The following PDE4C variants were observed in gnomAD, a reference collection of about 807,000 sequenced individuals.
The protein encoded by PDE4C is phosphodiesterase 4C.
In PDE4C, 50 loss-of-function variants were observed where a neutral mutation model predicts 63.9. The observed-to-expected ratio is 0.78, with a 90% CI of 0.62 to 0.99. The LOEUF is 0.99. Ranked by LOEUF, PDE4C falls within the 50% of genes least tolerant of loss-of-function variation. The pLI, the probability that PDE4C is intolerant of heterozygous loss-of-function variation, is 0.00. For missense variants in PDE4C, 777 were observed against 899.1 expected (o/e 0.86, Z 1.74); for synonymous variants, 377 against 385.1 (o/e 0.98, Z 0.25).
chr19:18,251,507 T>C (rs1242559146), upstream of PDE4C, among the ~76,000 whole-genome samples: 1 of 151,816 alleles, frequency 6.6e-6, no homozygotes, highest in Non-Finnish European at 1.5e-5. Context: ...CGATCTCAGC[T>C]CACTGCAACC....
intron 1 of PDE4C, among the ~76,000 whole-genome samples, chr19:18,223,846 T>G (rs372198394): frequency 8.5e-5 from 13 of 152,338 alleles, no homozygotes; most frequent in African/African-American, 2.2e-4. Context: ...GCCTAGCTCC[T>G]GCGTGCGCCT....
the PDE4C span, chr19:18,255,262 C>T: frequency 1.3e-5 from 5 of 399,186 alleles, no homozygotes; most frequent in East Asian, 1.4e-4. This position sits in a 1 kb window ranked among gnomAD's most constrained non-coding sequence, Gnocchi z 4.6. Context: ...TTCAGCAGCA[C>T]CACCAGCACC....
Position 18,220,924 on chromosome 19 carries a change from C to A in PDE4C, c.450-1G>T. 1 of 1,603,142 alleles carries A rather than the reference C, an allele frequency of 6.2e-7. No homozygotes were observed. Among genetic ancestry groups the A allele is most frequent in the Non-Finnish European group, 8.5e-7 (1 of 1,176,316 alleles). On this transcript the variant is annotated splice_acceptor_variant, in intron 4 of 14. Coordinates refer to ENST00000262805, the Ensembl canonical transcript of PDE4C. LOFTEE classifies it high-confidence loss of function. The surrounding 1 kb of genome is among the most constrained non-coding windows in gnomAD (Gnocchi z 5.1). The stretch of plus-strand genomic sequence containing the variant: ...TGAAGGGTTTCCGACGGGTCCCTGC[C>A]TGCGGTACAGCAGCCTCAGGCGTGG...
chr19:18,232,376 TGTGTGTGTGTGTG>T (rs1403944255), intron 1 of PDE4C, among the ~76,000 whole-genome samples: 202 of 149,372 alleles, frequency 1.4e-3, no homozygotes, highest in South Asian at 3.0e-3. Flanking sequence ...AATAAAAACG[TGTGTGTGTGTGTG>T]TGTGTGTGTG....
At chr19:18,244,638 G>A (rs193210303) in intron 1 of PDE4C, among the ~76,000 whole-genome samples, 95 of 151,648 alleles carry the variant, frequency 6.3e-4, no homozygotes, top group African/African-American at 2.2e-3. Flanking sequence ...TCAGCCTCCC[G>A]AGTAGCTGGG....
chr19:18,225,047 G>C (rs919837996), intron 1 of PDE4C, among the ~76,000 whole-genome samples: 1 of 152,230 alleles, frequency 6.6e-6, no homozygotes, highest in Non-Finnish European at 1.5e-5. Context: ...GGCGCGGAGG[G>C]TTAAGGACTG....
chr19:18,253,205 G>C, the PDE4C span, among the ~76,000 whole-genome samples: 1 of 152,152 alleles, frequency 6.6e-6, no homozygotes. Flanking sequence ...TTCATGTGGA[G>C]TTGGTGCCTC....
Position 18,217,993 on chromosome 19 carries a change from G to A in PDE4C, c.1234+156C>T, listed in dbSNP as rs905755867. Among the ~76,000 whole-genome samples the A allele has an allele frequency of 1.2e-4, 19 of 152,286 alleles. No homozygotes were observed. Among genetic ancestry groups the A allele is most frequent in the African/African-American group, 4.3e-4 (18 of 41,556 alleles). On this transcript the variant is annotated intron_variant, in intron 11 of 14. Coordinates refer to ENST00000262805, the Ensembl canonical transcript of PDE4C. ...TGGCACCTACTGTGTACCCAGACCT[G>A]CTCCAAGACCCTGAAGGGAGGGAAA...
chr19:18,254,907 T>C, the PDE4C span, among the ~76,000 whole-genome samples: 3 of 152,194 alleles, frequency 2.0e-5, no homozygotes, highest in Non-Finnish European at 4.4e-5. Flanking sequence ...ATTCTCCCTT[T>C]GGGGATTGGC....
At chr19:18,226,361 A>T (rs1179431280) in exon 1 of PDE4C, 4 of 1,511,220 alleles carry the variant, frequency 2.6e-6, no homozygotes, top group Non-Finnish European at 1.8e-6. Flanking sequence ...CCGCGCGGGG[A>T]TCCCCGAGGG....
upstream of PDE4C, among the ~76,000 whole-genome samples, chr19:18,248,877 T>C (rs1347625330): frequency 6.7e-6 from 1 of 150,352 alleles, no homozygotes; most frequent in Non-Finnish European, 1.5e-5. Context: ...ACAAAAAAAT[T>C]AGCTGAGTGT....
intron 1 of PDE4C, among the ~76,000 whole-genome samples, chr19:18,245,215 G>T (rs11086097): frequency 0.61 from 91,842 of 151,098 alleles, 28,096 homozygotes; most frequent in Middle Eastern, 0.71. Flanking sequence ...CCAGGCTGGA[G>T]TGCAGTGGCA....
chr19:18,252,130 T>G (rs2302945), upstream of PDE4C: 128,971 of 398,388 alleles, frequency 0.32, 22,173 homozygotes, highest in African/African-American at 0.51. Flanking sequence ...CTGTGGGAAG[T>G]GGGGCTCCAG....
exon 1 of PDE4C, chr19:18,233,320 C>T (rs1968891414): frequency 3.0e-6 from 4 of 1,314,892 alleles, no homozygotes; most frequent in Non-Finnish European, 4.2e-6. Flanking sequence ...CTGTCCGCGC[C>T]GGAGGTGCTG....
At chr19:18,225,675 G>T (rs1365329762) in intron 1 of PDE4C, 1 of 152,642 alleles carries the variant, frequency 6.6e-6, no homozygotes, top group Non-Finnish European at 1.5e-5. Flanking sequence ...ACCCAGAGGG[G>T]TGGACCGAGT....
At chr19:18,251,160 C>T (rs535277311), upstream of PDE4C, among the ~76,000 whole-genome samples, 1 of 151,206 alleles carries the variant, frequency 6.6e-6, no homozygotes, top group Admixed American at 6.6e-5. Context: ...GAGTCTTGCT[C>T]TGTCTCCCAG....
intron 13 of PDE4C, 42 bp from the exon 14 acceptor site, chr19:18,211,983 C>G: frequency 6.3e-7 from 1 of 1,595,678 alleles, no homozygotes; most frequent in Non-Finnish European, 8.6e-7. Context: ...CGGGGCCCAG[C>G]CACACCTAGA....
chr19:18,219,566 G>A, intron 7 of PDE4C, 169 bp from the exon 8 acceptor site: 1 of 691,742 alleles, frequency 1.4e-6, no homozygotes, highest in Non-Finnish European at 2.4e-6. Flanking sequence ...GCTCACGCCT[G>A]TAATCCCAGT....
chr19:18,231,658 C>T (rs1968850763), intron 1 of PDE4C, among the ~76,000 whole-genome samples: 1 of 152,096 alleles, frequency 6.6e-6, no homozygotes, highest in African/African-American at 2.4e-5. Context: ...GGAAGTAACC[C>T]ATCCAAGGCC....
Sources: allele counts gnomAD v4.1 joint callset (sites outside exome capture counted in the v4.1 genomes callset), GRCh38; gene constraint gnomAD v4.1.1; non-coding constraint Gnocchi (gnomAD v3.1); transcripts MANE v1.5; gene names NCBI Gene and HGNC (gene_info 2026-07-23, HGNC 2026-07-21).